The following KLHL33 variants were observed in gnomAD, a reference collection of about 807,000 sequenced individuals.
The protein encoded by KLHL33 is kelch-like protein 33.
Under a neutral mutation model 60.8 loss-of-function variants are expected in KLHL33, and 46 were observed. The ratio of observed to expected loss-of-function variants is 0.76; its 90% CI spans 0.60 to 0.97. The LOEUF (loss-of-function observed/expected upper bound fraction) is 0.97. Among genes scored for constraint, KLHL33 ranks in the 50% least tolerant of loss-of-function variants. KLHL33 has a pLI of 0.00. For synonymous variants in KLHL33, 434 were observed against 432.2 expected (o/e 1.00, Z -0.05); for missense variants, 1,055 against 1,000.0 (o/e 1.05, Z -0.74).
rs377664884 is a variant in KLHL33 at position 20,431,164 on chromosome 14, C to A, written c.749-445G>T. On this transcript the variant is annotated intron_variant, in intron 2 of 4. Coordinates refer to ENST00000636854, the MANE Select transcript of KLHL33 (RefSeq NM_001365790.2). The stretch of plus-strand genomic sequence containing the variant: ...GCAACTTATATAGGTCTGTCTATAT[C>A]GTGACAAAATAAAATTCTTTACAAT... Among the ~76,000 whole-genome samples, 53 of 152,274 alleles carry A rather than the reference C, an allele frequency of 3.5e-4. 2 individuals are homozygous for A. The South Asian group carries it at 8.3e-3, about 24-fold the overall frequency.
At position 20,435,402 on chromosome 14, in the gene KLHL33, A is replaced by G. The variant is rs1880657060; in HGVS notation, c.410T>C (p.Leu137Pro). ...HRVILAAISS[L>P]FRDRLLGGGG... ...GCCGCCCAGCAGCCTGTCTCGGAAG[A>G]GGCTGCTGATTGCGGCCAGGATCAC... Residue 137 changes from leucine to proline, a missense_variant, in exon 2 of 5, where the codon CTC becomes CCC. Leu to Pro is a moderately conservative substitution (Grantham distance 98, BLOSUM62 -3). Coordinates refer to ENST00000636854, the MANE Select transcript of KLHL33 (RefSeq NM_001365790.2). The G allele has an allele frequency of 1.6e-6, 2 of 1,234,376 alleles. No individual in the cohort carries two copies. Among genetic ancestry groups the G allele is most frequent in the Non-Finnish European group, 2.0e-6 (2 of 988,178 alleles). The allele number at this position is 1,234,376 out of a possible 1,614,324, so 76.5% of individuals were successfully genotyped here.
rs899003917 is a variant in KLHL33 at position 20,426,083 on chromosome 14, T to G, written c.*2766A>C. On this transcript the variant is annotated 3_prime_UTR_variant, in exon 5 of 5. Transcript: ENST00000636854. ...AAAAGATCTTACTAAAATAACGAAA[T>G]CTAAAAATAAATAAATAAAATACAT... The G allele has an allele frequency of 6.6e-6, 1 of 152,030 alleles. No homozygotes were observed. Among genetic ancestry groups the G allele is most frequent in the African/African-American group, 2.4e-5 (1 of 41,396 alleles). 9.4% of individuals were successfully genotyped at this position (152,030 alleles called of 1,614,324 possible). A position where few individuals can be genotyped will look rare whatever the true frequency, so the allele number is the denominator to read the frequency against.
Position 20,429,378 on chromosome 14 carries a change from G to A in KLHL33, c.1865C>T (p.Pro622Leu). 1.3e-6 allele frequency: 2 copies of A among 1,551,746 alleles called. No individual in the cohort carries two copies. The highest frequency in any genetic ancestry group is 1.7e-6 in the Non-Finnish European group (2 of 1,146,976). ...VWRPAPALPA[P>L]CFAHAAAILE... ...AATCGCAGCTGCGTGGGCAAAACATGGTGCTGGAAGTGCAGGTGCTGGCCT... is the reference window on the plus strand; with the variant it reads ...AATCGCAGCTGCGTGGGCAAAACATAGTGCTGGAAGTGCAGGTGCTGGCCT... The change falls in exon 5 of 5, where the codon CCA becomes CTA. Residue 622 changes from proline to leucine, a missense_variant. Pro to Leu is a moderately conservative substitution (Grantham distance 98). Transcript: ENST00000636854.
chr14:20,429,504 C>G lies in KLHL33; in HGVS notation c.1839G>C (p.Trp613Cys). 6.4e-7 allele frequency: 1 copy of G among 1,552,280 alleles called. No homozygotes were observed. Among genetic ancestry groups the G allele is most frequent in the Non-Finnish European group, 8.7e-7 (1 of 1,147,126 alleles). Residue 613 changes from tryptophan (W) to cysteine (C), a missense_variant and splice_region_variant, in exon 4 of 5, where the codon TGG (tryptophan) becomes TGC (cysteine). Trp to Cys is a radical substitution (Grantham distance 215). Transcript: ENST00000636854. The stretch of plus-strand genomic sequence containing the variant: ...CAGATGCCCCCTTGCCTGCTTACCT[C>G]CAGACATTGAGCTCAGGGTTGTAGG... ...VETYNPELNV[W>C]RPAPALPAPC...
chr14:20,429,600 C>T lies in KLHL33; in HGVS notation c.1743G>A (p.Leu581=). The stretch of plus-strand genomic sequence containing the variant: ...CATAAAGTTTTCCATCCAGTGCCAC[C>T]AAGGAGAAAAGGCTTCGAGCCTGGG... ...PLSQARSLFS[L]VALDGKLYAL... The change falls in exon 4 of 5, where the codon TTG becomes TTA. Residue 581 remains leucine, a synonymous_variant. Coordinates refer to ENST00000636854, the MANE Select transcript of KLHL33 (RefSeq NM_001365790.2). 6.4e-7 allele frequency: 1 copy of T among 1,551,994 alleles called. No individual in the cohort carries two copies. The highest frequency in any genetic ancestry group is 8.7e-7 in the Non-Finnish European group (1 of 1,147,052).
In KLHL33 at chr14:20,430,384, G is replaced by A; in HGVS notation, c.1084C>T (p.Leu362Phe). 4 of 1,551,820 alleles carry A rather than the reference G, an allele frequency of 2.6e-6. No individual in the cohort carries two copies. The highest frequency in any genetic ancestry group is 1.7e-4 in the Middle Eastern group (1 of 5,992). The stretch of plus-strand genomic sequence containing the variant: ...GCTACAGCAGGCAGGTGGGTGAGGA[G>A]GTAGTGACGGGCTTTGCTCCAGAGC... ...ERLWSKARHY[L>F]LTHLPAVALC... is the part of the protein sequence containing the mutation. Residue 362 changes from leucine (L) to phenylalanine (F), a missense_variant, in exon 3 of 5, where the codon CTC (leucine) becomes TTC (phenylalanine). Leu to Phe is a conservative substitution (Grantham distance 22). Transcript: ENST00000636854.
chr14:20,430,455 C>T lies in KLHL33; in HGVS notation c.1013G>A (p.Arg338His), dbSNP rs879024720. 61 of 1,551,440 alleles carry T rather than the reference C, an allele frequency of 3.9e-5. 1 individual carries two copies. The highest frequency in any genetic ancestry group is 1.7e-4 in the Middle Eastern group (1 of 6,016). The change falls in exon 3 of 5, where the codon CGT (arginine) becomes CAT (histidine). Residue 338 changes from arginine (R) to histidine (H), a missense_variant. Physicochemically the swap from Arg to His is conservative, Grantham distance 29 (BLOSUM62 0). Transcript: ENST00000636854. ...CGCCATGGGGAACAGGGCCAGGCAA[C>T]GGGCAGGGCTGAGGCCCCGTGCCAA... ...KGLARGLSPA[R>H]CLALFPMAEA...
chr14:20,435,225 G>T lies in KLHL33; in HGVS notation c.587C>A (p.Ala196Asp). 1 of 1,234,424 alleles carries T rather than the reference G, an allele frequency of 8.1e-7. No homozygotes were observed. The highest frequency in any genetic ancestry group is 1.0e-6 in the Non-Finnish European group (1 of 988,196). 76.5% of individuals were successfully genotyped at this position (1,234,424 alleles called of 1,614,324 possible). A position where few individuals can be genotyped will look rare whatever the true frequency, so the allele number is the denominator to read the frequency against. ...EALGAPRVKA[A>D]AQQTCERAGN... ...AGCCCTCTCGCATGTCTGCTGGGCAGCAGCCTTCACCCGGGGCGCTCCCAG... is the reference window on the plus strand; with the variant it reads ...AGCCCTCTCGCATGTCTGCTGGGCATCAGCCTTCACCCGGGGCGCTCCCAG... The change falls in exon 2 of 5, where the codon GCT becomes GAT. Residue 196 changes from alanine (A) to aspartate (D), a missense_variant. Transcript: ENST00000636854.
Position 20,429,922 on chromosome 14 carries a change from G to GCCC in KLHL33, c.1543_1545dup (p.Gly515dup). ...CCGGGGGCAGGCAGGGCAGGCAGCT[G>GCCC]CCCCCACTCAACAGTTCGTACCAGT... On this transcript the variant is annotated inframe_insertion, in exon 3 of 5. Transcript: ENST00000636854. The GCCC allele has an allele frequency of 6.4e-7, 1 of 1,551,752 alleles. No individual in the cohort carries two copies. The highest frequency in any genetic ancestry group is 1.7e-4 in the Middle Eastern group (1 of 5,992).
chr14:20,432,482 G>A (rs1215290503), intron 2 of KLHL33, among the ~76,000 whole-genome samples: 2 of 151,836 alleles, frequency 1.3e-5, no homozygotes, highest in African/African-American at 4.8e-5. Context: ...AAAAAAAGGA[G>A]GAAGGACTGT....
Position 20,435,056 on chromosome 14 carries a change from G to A in KLHL33, c.748+8C>T, listed in dbSNP as rs1880640868. On this transcript the variant is annotated splice_region_variant and intron_variant, in intron 2 of 4. Transcript: ENST00000636854. Reference sequence around the variant, plus strand: ...CCTGCAGTAATTTAATGCCCCACAGGCCCTCACCCGACAGCTGGCAGCCGC... The same window carrying A: ...CCTGCAGTAATTTAATGCCCCACAGACCCTCACCCGACAGCTGGCAGCCGC... 2 of 1,234,366 alleles carry A rather than the reference G, an allele frequency of 1.6e-6. No homozygotes were observed. The highest frequency in any genetic ancestry group is 2.0e-6 in the Non-Finnish European group (2 of 988,166). The allele number at this position is 1,234,366 out of a possible 1,614,324, so 76.5% of individuals were successfully genotyped here. A position where few individuals can be genotyped will look rare whatever the true frequency, so the allele number is the denominator to read the frequency against.
In KLHL33 at chr14:20,435,823, CT is replaced by C; in HGVS notation, c.-13del. The C allele has an allele frequency of 8.1e-7, 1 of 1,234,094 alleles. No homozygotes were observed. The highest frequency in any genetic ancestry group is 1.0e-6 in the Non-Finnish European group (1 of 988,358). The allele number at this position is 1,234,094 out of a possible 1,614,324, so 76.4% of individuals were successfully genotyped here. ...TCCGAGACGCTCATGCCGAGGTTTG[CT>C]GGATAGCTGCAGGTGAGCAGAGGCA... is the stretch of plus-strand genomic sequence containing the variant. On this transcript the variant is annotated 5_prime_UTR_variant, in exon 2 of 5. Coordinates refer to ENST00000636854, the MANE Select transcript of KLHL33 (RefSeq NM_001365790.2).
rs1353888395 is a variant in KLHL33 at position 20,428,804 on chromosome 14, G to T, written c.*45C>A. On this transcript the variant is annotated 3_prime_UTR_variant, in exon 5 of 5. Transcript: ENST00000636854. ...CCCACAATCTCTGTCCTTCTCTCAG[G>T]CTATTTCTTATGCCCTCCTCTCCCC... The T allele has an allele frequency of 1.4e-5, 20 of 1,454,084 alleles. No individual in the cohort carries two copies. The highest frequency in any genetic ancestry group is 1.9e-5 in the Non-Finnish European group (20 of 1,070,578). The allele number at this position is 1,454,084 out of a possible 1,614,324, so 90.1% of individuals were successfully genotyped here.
chr14:20,429,226 C>A lies in KLHL33; in HGVS notation c.2017G>T (p.Ala673Ser). 1 of 1,551,784 alleles carries A rather than the reference C, an allele frequency of 6.4e-7. No individual in the cohort carries two copies. The highest frequency in any genetic ancestry group is 8.7e-7 in the Non-Finnish European group (1 of 1,147,022). Residue 673 changes from alanine to serine, a missense_variant, in exon 5 of 5, where the codon GCT (alanine) becomes TCT (serine). Transcript: ENST00000636854. ...CCCAATGCAGCCATGACATGGCCAG[C>A]CCGAGGTACCCCCATAGGGCTCAGA... ...TFLSPMGVPR[A>S]GHVMAALGGR...
At chr14:20,434,652 AG>A (rs1401621293) in intron 2 of KLHL33, among the ~76,000 whole-genome samples, 1 of 152,218 alleles carries the variant, frequency 6.6e-6, no homozygotes, top group African/African-American at 2.4e-5. Context: ...CCAAGGTGAA[AG>A]CACACATTGA....
chr14:20,432,384 A>T (rs1339718476), intron 2 of KLHL33, among the ~76,000 whole-genome samples: 3 of 151,888 alleles, frequency 2.0e-5, no homozygotes, highest in Non-Finnish European at 4.4e-5. Flanking sequence ...AAGTGTTGGG[A>T]TTACAGGCGT....
chr14:20,429,606 G>C lies in KLHL33; in HGVS notation c.1737C>G (p.Phe579Leu). The change falls in exon 4 of 5, where the codon TTC (phenylalanine) becomes TTG (leucine). Residue 579 changes from phenylalanine to leucine, a missense_variant. By Grantham distance (22) the Phe-to-Leu change is conservative. Transcript: ENST00000636854. ...MAPLSQARSL[F>L]SLVALDGKLY... is the part of the protein sequence containing the mutation. ...GTTTTCCATCCAGTGCCACCAAGGA[G>C]AAAAGGCTTCGAGCCTGGGACAAAG... The C allele has an allele frequency of 6.4e-7, 1 of 1,552,028 alleles. No homozygotes were observed. Among genetic ancestry groups the C allele is most frequent in the Non-Finnish European group, 8.7e-7 (1 of 1,147,084 alleles).
intron 2 of KLHL33, among the ~76,000 whole-genome samples, chr14:20,434,801 C>T (rs1385372804): frequency 6.6e-6 from 1 of 152,166 alleles, no homozygotes; most frequent in Non-Finnish European, 1.5e-5. Context: ...CTCTAGCCAG[C>T]TGGCTGGAGA....
rs981915275 is a variant in KLHL33 at position 20,430,122 on chromosome 14, G to A, written c.1346C>T (p.Thr449Ile). The A allele has an allele frequency of 6.4e-7, 1 of 1,551,692 alleles. No homozygotes were observed. The highest frequency in any genetic ancestry group is 2.0e-5 in the Admixed American group (1 of 51,010). The change falls in exon 3 of 5, where the codon ACC becomes ATC. Residue 449 changes from threonine (T) to isoleucine (I), a missense_variant. Physicochemically the swap from Thr to Ile is moderately conservative, Grantham distance 89. Transcript: ENST00000636854. ...CATCAGCTGGTGCAACAGATCTGGG[G>A]TCAGGGGTGGAAGTAGCCCGGCTGC... ...VRAAGLLPPL[T>I]PDLLHQLMVE... is the part of the protein sequence containing the mutation.
Sources: allele counts gnomAD v4.1 joint callset (sites outside exome capture counted in the v4.1 genomes callset), GRCh38; gene constraint gnomAD v4.1.1; transcripts MANE v1.5; gene names NCBI Gene and HGNC (gene_info 2026-07-23, HGNC 2026-07-21).